PDZD2: variants seen among roughly 807,000 people sequenced by gnomAD.
PDZD2 encodes the protein PDZ domain containing 2, also known as PDZ domain-containing protein 2.
PDZD2 carries 90 observed loss-of-function variants against 220.7 expected under a neutral mutation model. The observed-to-expected ratio is 0.41, with a 90% CI of 0.34 to 0.49. The LOEUF (loss-of-function observed/expected upper bound fraction) is 0.49. Ranked by LOEUF, PDZD2 falls within the 20% of genes least tolerant of loss-of-function variation. The pLI, the probability that PDZD2 is intolerant of heterozygous loss-of-function variation, is 0.28. For synonymous variants in PDZD2, 1,375 were observed against 1,450.5 expected, an observed-to-expected ratio of 0.95 and a Z score of 1.18; for missense variants, 3,174 against 3,608.5, an observed-to-expected ratio of 0.88 and a Z score of 3.08.
chr5:31,713,761 G>T (rs147103578), intron 1 of PDZD2, among the ~76,000 whole-genome samples: 1 of 152,288 alleles, frequency 6.6e-6, no homozygotes, highest in East Asian at 1.9e-4. Flanking sequence ...TGGCTAGGCT[G>T]GTCTCAAACA....
chr5:31,857,276 C>T (rs1230339445), intron 2 of PDZD2, among the ~76,000 whole-genome samples: 1 of 152,206 alleles, frequency 6.6e-6, no homozygotes, highest in East Asian at 1.9e-4. Flanking sequence ...CCGCTTGCCG[C>T]TCTTGAGGCC....
intron 7 of PDZD2, 28 bp from the exon 8 acceptor site, chr5:32,048,511 A>T: frequency 6.2e-7 from 1 of 1,600,906 alleles, no homozygotes; most frequent in Non-Finnish European, 8.6e-7. Flanking sequence ...CCCATATCAA[A>T]CTATGTTTTC....
At position 32,048,697 on chromosome 5, in the gene PDZD2, C is replaced by T; in HGVS notation, c.1665+13C>T. On this transcript the variant is annotated intron_variant, in intron 8 of 24. Transcript: ENST00000438447. ...CAGTGCCTCACAGGTCCGACCAGGG[C>T]TGTGGATCTTTTCAAAGACCATAAG... 1 of 1,613,570 alleles carries T rather than the reference C, an allele frequency of 6.2e-7. No individual in the cohort carries two copies. The highest frequency in any genetic ancestry group is 8.5e-7 in the Non-Finnish European group (1 of 1,179,618).
At chr5:32,060,913 AT>A in intron 13 of PDZD2, 88 bp from the exon 14 acceptor site, 1 of 1,255,196 alleles carries the variant, frequency 8.0e-7, no homozygotes, top group Non-Finnish European at 1.1e-6. Context: ...AAAAGATTTC[AT>A]ATTATAAACC....
At chr5:31,681,714 C>T (rs529332757) in intron 1 of PDZD2, among the ~76,000 whole-genome samples, 24 of 152,150 alleles carry the variant, frequency 1.6e-4, no homozygotes, top group African/African-American at 5.1e-4. Context: ...AAAGTTAGTT[C>T]TTATAATAAA....
chr5:31,779,601 C>A (rs1415581369), intron 1 of PDZD2, among the ~76,000 whole-genome samples: 1 of 152,030 alleles, frequency 6.6e-6, no homozygotes, highest in Non-Finnish European at 1.5e-5. Context: ...TCTCGATCTC[C>A]TGACCTCGTG....
At chr5:32,040,220 G>A (rs1755946733) in intron 7 of PDZD2, among the ~76,000 whole-genome samples, 3 of 150,384 alleles carry the variant, frequency 2.0e-5, no homozygotes, top group Admixed American at 2.0e-4. Context: ...GCCCCATCTG[G>A]GAAGTGAGGA....
At chr5:32,014,937 C>G (rs1201262628) in intron 6 of PDZD2, among the ~76,000 whole-genome samples, 1 of 68,042 alleles carries the variant, frequency 1.5e-5, no homozygotes, top group Admixed American at 2.1e-4. Flanking sequence ...CTCAATCTCT[C>G]TCTTTTTTTT....
intron 2 of PDZD2, chr5:31,908,992 G>T: frequency 3.2e-6 from 1 of 315,850 alleles, no homozygotes; most frequent in Non-Finnish European, 6.0e-6. Context: ...GCTGCAATGA[G>T]CTGAGATTAC....
chr5:31,808,094 G>C (rs1426337875), intron 2 of PDZD2, among the ~76,000 whole-genome samples: 1 of 152,172 alleles, frequency 6.6e-6, no homozygotes, highest in Non-Finnish European at 1.5e-5. Flanking sequence ...AGATGGTAGA[G>C]AGAAAGAATT....
intron 19 of PDZD2, among the ~76,000 whole-genome samples, chr5:32,081,912 T>C (rs1256209215): frequency 6.6e-6 from 1 of 151,452 alleles, no homozygotes; most frequent in African/African-American, 2.4e-5. Flanking sequence ...TTAGTAGAGA[T>C]GGGGTTTCAC....
At chr5:31,983,110 G>C in intron 2 of PDZD2, 45 bp from the exon 3 acceptor site, 1 of 1,577,844 alleles carries the variant, frequency 6.3e-7, no homozygotes, top group Non-Finnish European at 8.6e-7. Flanking sequence ...TGCTGTCTAG[G>C]AAGGGTGTGT....
At chr5:32,066,417 C>A (rs956857638) in intron 14 of PDZD2, among the ~76,000 whole-genome samples, 1 of 152,188 alleles carries the variant, frequency 6.6e-6, no homozygotes, top group Admixed American at 6.5e-5. Flanking sequence ...GTTTTTTCCT[C>A]CTTGTCACCT....
At chr5:31,683,032 C>T (rs1341394749) in intron 1 of PDZD2, among the ~76,000 whole-genome samples, 1 of 151,980 alleles carries the variant, frequency 6.6e-6, no homozygotes, top group Non-Finnish European at 1.5e-5. Context: ...CCATCTCCCC[C>T]TGACCCCTGC....
At chr5:31,987,741 A>C (rs973096229) in intron 3 of PDZD2, among the ~76,000 whole-genome samples, 6 of 152,138 alleles carry the variant, frequency 3.9e-5, no homozygotes, top group African/African-American at 1.4e-4. Context: ...AAGTTTGCCC[A>C]AGCTGGAAGT....
chr5:31,746,893 G>A (rs1442333401), intron 1 of PDZD2, among the ~76,000 whole-genome samples: 3 of 152,228 alleles, frequency 2.0e-5, no homozygotes, highest in African/African-American at 7.2e-5. Context: ...TGTAGGTCAT[G>A]CGCTGGGCGT....
At chr5:31,792,810 TG>T in intron 1 of PDZD2, among the ~76,000 whole-genome samples, 1 of 152,152 alleles carries the variant, frequency 6.6e-6, no homozygotes, top group Non-Finnish European at 1.5e-5. Context: ...AGGTAATCCA[TG>T]GAAGGTGCTT....
At chr5:31,756,180 G>A (rs747188613) in intron 1 of PDZD2, among the ~76,000 whole-genome samples, 8 of 152,102 alleles carry the variant, frequency 5.3e-5, no homozygotes, top group African/African-American at 9.7e-5. Flanking sequence ...TCCAGGACCC[G>A]GGGGTGCCTG....
chr5:31,782,209 G>A (rs943074114), intron 1 of PDZD2, among the ~76,000 whole-genome samples: 1 of 152,108 alleles, frequency 6.6e-6, no homozygotes, highest in African/African-American at 2.4e-5. Flanking sequence ...TAAAATACCA[G>A]ACAGTTTAAT....
Sources: allele counts gnomAD v4.1 joint callset (sites outside exome capture counted in the v4.1 genomes callset), GRCh38; gene constraint gnomAD v4.1.1; transcripts MANE v1.5; gene names NCBI Gene and HGNC (gene_info 2026-07-23, HGNC 2026-07-21).